Variants in AHSA1 observed in about 807,000 individuals in gnomAD.
AHSA1 encodes activator of 90 kDa heat shock protein ATPase homolog 1.
A neutral mutation model predicts 46.1 loss-of-function variants in AHSA1; 14 were observed. The observed-to-expected ratio is 0.30, with a 90% CI of 0.20 to 0.47. The LOEUF (loss-of-function observed/expected upper bound fraction) is 0.47. Ranked by LOEUF, AHSA1 falls within the 20% of genes least tolerant of loss-of-function variation. The pLI, the probability that AHSA1 is intolerant of heterozygous loss-of-function variation, is 0.99. For missense variants in AHSA1, 333 were observed against 415.9 expected, an observed-to-expected ratio of 0.80 and a Z score of 1.73; for synonymous variants, 147 against 145.8, an observed-to-expected ratio of 1.01 and a Z score of -0.06.
chr14:77,465,977 C>T (rs1469254816), intron 6 of AHSA1, among the ~76,000 whole-genome samples: 1 of 152,162 alleles, frequency 6.6e-6, no homozygotes, highest in Non-Finnish European at 1.5e-5. Flanking sequence ...TAGGCACACG[C>T]CATCACGCCT....
chr14:77,462,832 C>A, intron 4 of AHSA1, 73 bp downstream of exon 4: 2 of 1,308,654 alleles, frequency 1.5e-6, no homozygotes, highest in Non-Finnish European at 2.2e-6. Flanking sequence ...AGGGCCTGGA[C>A]AGTCCTTTCT....
At chr14:77,465,517 A>G in intron 5 of AHSA1, 22 bp from the exon 6 acceptor site, 4 of 1,612,404 alleles carry the variant, frequency 2.5e-6, no homozygotes, top group Non-Finnish European at 3.4e-6. Flanking sequence ...TGTATTGATC[A>G]TTTTCACTGC....
intron 4 of AHSA1, 25 bp from the exon 5 acceptor site, chr14:77,464,573 A>G (rs765561636): frequency 5.0e-6 from 8 of 1,597,996 alleles, no homozygotes; most frequent in East Asian, 2.2e-5. Context: ...AGTAACTTCC[A>G]TGAGCTGGAA....
intron 8 of AHSA1, 67 bp from the exon 9 acceptor site, chr14:77,469,010 G>T (rs2079061823): frequency 1.9e-6 from 3 of 1,578,860 alleles, no homozygotes; most frequent in Non-Finnish European, 2.6e-6. Context: ...GCCCAGCCAG[G>T]TTGCCCCAGT....
intron 1 of AHSA1, among the ~76,000 whole-genome samples, chr14:77,459,274 G>C (rs1174985169): frequency 6.6e-6 from 1 of 152,206 alleles, no homozygotes; most frequent in Admixed American, 6.5e-5. Flanking sequence ...GGTCCAGTCT[G>C]TGTTCCTGAT....
Position 77,458,219 on chromosome 14 carries a change from C to G in AHSA1, c.30C>G (p.Arg10=). 1 of 1,545,510 alleles carries G rather than the reference C, an allele frequency of 6.5e-7. No individual in the cohort carries two copies. Among genetic ancestry groups the G allele is most frequent in the Non-Finnish European group, 8.7e-7 (1 of 1,145,118 alleles). ...CCAAGTGGGGTGAGGGAGACCCACG[C>G]TGGATCGTGGAGGAGCGGGCGGACG... MAKWGEGDP[R]WIVEERADAT... Residue 10 remains arginine, a synonymous_variant, in exon 1 of 9, where the codon CGC becomes CGG. Coordinates refer to ENST00000216479, the MANE Select transcript of AHSA1 (RefSeq NM_012111.3).
intron 6 of AHSA1, 88 bp downstream of exon 6, chr14:77,465,755 A>G: frequency 7.1e-7 from 1 of 1,412,136 alleles, no homozygotes; most frequent in Admixed American, 2.1e-5. Flanking sequence ...AGTGTACAGA[A>G]GAGGTACTCA....
chr14:77,467,420 G>A (rs1198225534), intron 6 of AHSA1, among the ~76,000 whole-genome samples: 8 of 150,978 alleles, frequency 5.3e-5, no homozygotes, highest in South Asian at 2.1e-4. Flanking sequence ...AGGGCTGGGC[G>A]CGGTGGCTCA....
intron 8 of AHSA1, chr14:77,468,732 T>TTTTTTTTTTTTTC: frequency 2.0e-6 from 1 of 496,568 alleles, no homozygotes; most frequent in South Asian, 2.9e-5. Context: ...TTTTTTTTTT[T>TTTTTTTTTTTTTC]TTTTTTTTTT....
intron 1 of AHSA1, 26 bp downstream of exon 1, chr14:77,458,295 C>G: frequency 6.5e-7 from 1 of 1,539,232 alleles, no homozygotes; most frequent in Non-Finnish European, 8.8e-7. Flanking sequence ...GCAGGCCGGC[C>G]TTGGGAGACC....
At chr14:77,467,180 C>T (rs2079051033) in intron 6 of AHSA1, among the ~76,000 whole-genome samples, 1 of 152,138 alleles carries the variant, frequency 6.6e-6, no homozygotes. Context: ...GGGTGAATTA[C>T]TTGAGCCCAG....
chr14:77,468,908 A>G, intron 8 of AHSA1, 169 bp from the exon 9 acceptor site: 1 of 721,470 alleles, frequency 1.4e-6, no homozygotes, highest in East Asian at 2.7e-5. Flanking sequence ...GAGTTTCACC[A>G]TGTTAGCCAG....
chr14:77,468,285 T>C (rs2079057165), intron 7 of AHSA1, 101 bp downstream of exon 7: 1 of 1,101,956 alleles, frequency 9.1e-7, no homozygotes, highest in Non-Finnish European at 1.3e-6. Context: ...GGCTTTAATC[T>C]CTTTGTTAAT....
chr14:77,468,666 G>A (rs1027370612), intron 8 of AHSA1, 158 bp downstream of exon 8: 3 of 608,706 alleles, frequency 4.9e-6, no homozygotes, highest in African/African-American at 4.1e-5. Context: ...AGACCCAAAC[G>A]ATCCTCCTGC....
chr14:77,468,918 G>C (rs769367953), intron 8 of AHSA1, 159 bp from the exon 9 acceptor site: 1 of 765,280 alleles, frequency 1.3e-6, no homozygotes, highest in South Asian at 1.7e-5. Flanking sequence ...ATGTTAGCCA[G>C]GCTGGTCTGG....
chr14:77,459,585 G>A, intron 1 of AHSA1, 31 bp from the exon 2 acceptor site: 1 of 1,611,358 alleles, frequency 6.2e-7, no homozygotes, highest in Non-Finnish European at 8.5e-7. Context: ...CCGTTTGACT[G>A]CTGGTTCATA....
intron 6 of AHSA1, 136 bp downstream of exon 6, chr14:77,465,803 T>A: frequency 1.2e-6 from 1 of 860,722 alleles, no homozygotes; most frequent in Non-Finnish European, 1.6e-6. Flanking sequence ...TTCATCAAAG[T>A]GAATTTTTCC....
chr14:77,458,636 G>A (rs1488029538), intron 1 of AHSA1, among the ~76,000 whole-genome samples: 1 of 152,256 alleles, frequency 6.6e-6, no homozygotes, highest in African/African-American at 2.4e-5. Context: ...GCTGTGAAAG[G>A]CCTAAGGCCA....
chr14:77,460,541 G>A (rs1398311165), intron 2 of AHSA1, among the ~76,000 whole-genome samples: 1 of 147,746 alleles, frequency 6.8e-6, no homozygotes, highest in African/African-American at 2.5e-5. Context: ...TAGTGTGGAA[G>A]GAATCTTCGG....
Sources: gnomAD v4.1 joint callset for allele counts (sites outside exome capture counted in the v4.1 genomes callset) on GRCh38, gnomAD v4.1.1 for gene constraint, MANE v1.5 for transcripts, NCBI Gene and HGNC (gene_info 2026-07-23, HGNC 2026-07-21) for gene names.